The following SENP2 variants were observed in gnomAD, a reference collection of about 807,000 sequenced individuals.
The protein encoded by SENP2 is SUMO specific peptidase 2.
In SENP2, 16 loss-of-function variants were observed where a neutral mutation model predicts 86.3. The ratio of observed to expected loss-of-function variants is 0.19; its 90% CI spans 0.13 to 0.28. SENP2 has a LOEUF of 0.28. SENP2 is among the 10% of genes least tolerant of loss of function. The pLI is 1.00. For synonymous variants in SENP2, 222 were observed against 238.7 expected (o/e 0.93, Z 0.64); for missense variants, 552 against 703.0 (o/e 0.79, Z 2.43).
At chr3:185,603,037 T>G (rs1722399358) in intron 5 of SENP2, among the ~76,000 whole-genome samples, 1 of 150,246 alleles carries the variant, frequency 6.7e-6, no homozygotes, top group Non-Finnish European at 1.5e-5. Context: ...CTTAGCCTCC[T>G]GAGTAGCAGG....
intron 7 of SENP2, among the ~76,000 whole-genome samples, chr3:185,610,154 C>CTTTTTTTT (rs557832407): frequency 8.7e-6 from 1 of 115,080 alleles, no homozygotes; most frequent in Non-Finnish European, 1.7e-5. Flanking sequence ...TATTATCTAG[C>CTTTTTTTT]TTTTTTTTTT....
intron 4 of SENP2, among the ~76,000 whole-genome samples, chr3:185,600,119 C>A (rs1247780057): frequency 6.6e-6 from 1 of 152,084 alleles, no homozygotes; most frequent in Non-Finnish European, 1.5e-5. Flanking sequence ...TACTTTGAAG[C>A]CTTTTATTTC....
intron 5 of SENP2, among the ~76,000 whole-genome samples, chr3:185,604,836 A>G (rs1439698851): frequency 6.6e-6 from 1 of 150,686 alleles, no homozygotes. Context: ...GCTCCCTGCA[A>G]CCTCCGCCTC....
At chr3:185,592,956 AG>A (rs1722056161) in intron 2 of SENP2, among the ~76,000 whole-genome samples, 1 of 152,192 alleles carries the variant, frequency 6.6e-6, no homozygotes, top group Admixed American at 6.5e-5. Context: ...ATAATATGGT[AG>A]GGGGTATAAG....
chr3:185,606,786 C>G (rs1477936867), intron 6 of SENP2: 6 of 518,622 alleles, frequency 1.2e-5, no homozygotes, highest in Middle Eastern at 5.7e-4. Context: ...CTCAGTGAGT[C>G]TGTGACAGGA....
At chr3:185,621,156 CAAAAAAAAAA>C (rs1206042436) in intron 13 of SENP2, among the ~76,000 whole-genome samples, 2 of 39,022 alleles carry the variant, frequency 5.1e-5, no homozygotes, top group African/African-American at 1.1e-4. Context: ...GATCTTGTCT[CAAAAAAAAAA>C]AAAAAAAAAA....
chr3:185,621,939 TTGAGG>T (rs1257362667), intron 14 of SENP2, 34 bp downstream of exon 14: 1 of 1,368,436 alleles, frequency 7.3e-7, no homozygotes, highest in African/African-American at 1.4e-5. Context: ...CTACCCCCTG[TTGAGG>T]TGATCTCTCT....
chr3:185,623,662 A>T (rs113645670), intron 14 of SENP2, among the ~76,000 whole-genome samples: 56 of 151,770 alleles, frequency 3.7e-4, no homozygotes, highest in African/African-American at 1.4e-3. Context: ...ATCTCTACTA[A>T]GAAAAATACA....
chr3:185,605,451 A>T (rs1722483540), intron 5 of SENP2, among the ~76,000 whole-genome samples: 1 of 151,986 alleles, frequency 6.6e-6, no homozygotes, highest in African/African-American at 2.4e-5. Context: ...TAATACTATT[A>T]TGTAATCTAC....
chr3:185,617,489 A>G lies in SENP2; in HGVS notation c.1120A>G (p.Lys374Glu). The G allele has an allele frequency of 1.2e-6, 2 of 1,607,966 alleles. No homozygotes were observed. The highest frequency in any genetic ancestry group is 1.7e-6 in the Non-Finnish European group (2 of 1,177,466). The change falls in exon 12 of 17, where the codon AAG becomes GAG. Residue 374 changes from lysine to glutamate, a missense_variant. Around this residue, in one of 2 missense-constraint regions of SENP2, gnomAD observed 169 missense variants for 275.7 expected, o/e 0.61. Coordinates refer to ENST00000296257, the MANE Select transcript of SENP2 (RefSeq NM_021627.3). Reference protein sequence around the residue: ...DLLELTEDMEKEISNALGHGP... With the variant: ...DLLELTEDMEEEISNALGHGP... ...GAACTTTCTAATTCAGGACATGGAA[A>G]AGGAAATCAGTAATGCCCTAGGCCA...
intron 6 of SENP2, chr3:185,606,756 G>A: frequency 1.9e-6 from 1 of 519,048 alleles, no homozygotes; most frequent in Non-Finnish European, 3.5e-6. Flanking sequence ...CATTAGCAAG[G>A]CCTATAGCGG....
chr3:185,627,325 A>T (rs899841795), intron 16 of SENP2, among the ~76,000 whole-genome samples: 4 of 152,160 alleles, frequency 2.6e-5, no homozygotes, highest in Non-Finnish European at 5.9e-5. Context: ...GCAAGGGAAA[A>T]ATCGGCCTGT....
intron 2 of SENP2, among the ~76,000 whole-genome samples, chr3:185,593,619 A>G (rs1722078404): frequency 6.6e-6 from 1 of 152,204 alleles, no homozygotes; most frequent in Admixed American, 6.5e-5. Context: ...TATTTCACAC[A>G]GAAAATCTTG....
chr3:185,590,509 T>C (rs959015779), intron 2 of SENP2, among the ~76,000 whole-genome samples: 7 of 146,862 alleles, frequency 4.8e-5, no homozygotes, highest in Non-Finnish European at 9.0e-5. Flanking sequence ...GATGGTGCCA[T>C]TGCACTTCAG....
chr3:185,595,051 G>A (rs1722132550), intron 2 of SENP2, among the ~76,000 whole-genome samples: 1 of 152,138 alleles, frequency 6.6e-6, no homozygotes, highest in South Asian at 2.1e-4. Context: ...AGGTGAAAGA[G>A]ATTTTAAGAG....
chr3:185,595,370 T>C (rs536602048), intron 2 of SENP2, among the ~76,000 whole-genome samples: 1 of 152,332 alleles, frequency 6.6e-6, no homozygotes, highest in African/African-American at 2.4e-5. Context: ...CCCTCAGCAC[T>C]ATTAGAAGGG....
Position 185,600,907 on chromosome 3 carries a change from C to T in SENP2, c.449+52C>T, listed in dbSNP as rs1229185697. 4.0e-6 allele frequency: 5 copies of T among 1,250,386 alleles called. No homozygotes were observed. The African/African-American group carries it at 5.9e-5, about 15-fold the overall frequency. 77.5% of individuals were successfully genotyped at this position (1,250,386 alleles called of 1,614,324 possible). A position where few individuals can be genotyped will look rare whatever the true frequency, so the allele number is the denominator to read the frequency against. On this transcript the variant is annotated intron_variant, in intron 5 of 16. Transcript: ENST00000296257. ...GGAAACTTAGCATTTATTAGGTGCT[C>T]ACTCTTGCTAGGCAGTCTCACTTTT... is the stretch of plus-strand genomic sequence containing the variant.
intron 1 of SENP2, among the ~76,000 whole-genome samples, chr3:185,587,824 C>T (rs1721845101): frequency 6.8e-6 from 1 of 147,056 alleles, no homozygotes; most frequent in Non-Finnish European, 1.5e-5. Context: ...AACCTCTGCC[C>T]ACTGGGTTCA....
intron 6 of SENP2, chr3:185,606,778 C>A: frequency 1.9e-6 from 1 of 513,286 alleles, no homozygotes; most frequent in South Asian, 1.8e-5. Flanking sequence ...CACGTGTGCT[C>A]AGTGAGTCTG....
Sources: gnomAD v4.1 joint callset for allele counts (sites outside exome capture counted in the v4.1 genomes callset) on GRCh38, gnomAD v4.1.1 for gene constraint, gnomAD v4.1.1 regional missense constraint, MANE v1.5 for transcripts, NCBI Gene and HGNC (gene_info 2026-07-23, HGNC 2026-07-21) for gene names.